PIK3CG: variants seen among roughly 807,000 people sequenced by gnomAD.
PIK3CG encodes the protein phosphatidylinositol-4,5-bisphosphate 3-kinase catalytic subunit gamma, also known as phosphatidylinositol 4,5-bisphosphate 3-kinase catalytic subunit gamma isoform.
A neutral mutation model predicts 102.3 loss-of-function variants in PIK3CG; 55 were observed. The ratio of observed to expected loss-of-function variants is 0.54; its 90% CI spans 0.43 to 0.67. The LOEUF is 0.67. PIK3CG is among the 30% of genes least tolerant of loss of function. The probability of loss-of-function intolerance (pLI) is 0.00; values close to 1 mark genes in which losing one functional copy is unlikely to be tolerated. For synonymous variants in PIK3CG, 552 were observed against 540.0 expected (o/e 1.02, Z -0.31); for missense variants, 1,258 against 1,391.8 (o/e 0.90, Z 1.53).
Position 106,908,964 on chromosome 7 carries a change from C to T in PIK3CG, c.*3577C>T, listed in dbSNP as rs1378523379. Among the ~76,000 whole-genome samples the T allele has an allele frequency of 1.3e-5, 2 of 152,064 alleles. No individual in the cohort carries two copies. Among genetic ancestry groups the T allele is most frequent in the African/African-American group, 4.8e-5 (2 of 41,386 alleles). ...ATAATTCTGATAAATAAATTTGGTT[C>T]TAGTTTGGTGCTTGTCTGCATAGTC... On this transcript the variant is annotated 3_prime_UTR_variant, in exon 11 of 11. Transcript: ENST00000496166. The surrounding 1 kb of genome is among the most constrained non-coding windows in gnomAD (Gnocchi z 4.1).
rs1381484125 is a variant in PIK3CG, at chr7:106,867,724, G to A, written c.163G>A (p.Glu55Lys). The A allele has an allele frequency of 6.8e-6, 11 of 1,613,146 alleles. No individual in the cohort carries two copies. The highest frequency in any genetic ancestry group is 9.3e-6 in the Non-Finnish European group (11 of 1,179,880). ...CAGCCAGCGCAAATGCAAGAGCCCC[G>A]AAACGGCGCTGCTGCACGTGGCCGG... ...PTSQRKCKSPETALLHVAGHG... is the reference protein window; with the variant it reads ...PTSQRKCKSPKTALLHVAGHG... The change falls in exon 2 of 11, where the codon GAA (glutamate) becomes AAA (lysine). Residue 55 changes from glutamate (E) to lysine (K), a missense_variant. Physicochemically the swap from Glu to Lys is moderately conservative, Grantham distance 56 (BLOSUM62 1). Around this residue, in one of 2 missense-constraint regions of PIK3CG, gnomAD observed 832 missense variants for 787.5 expected, o/e 1.06. Transcript: ENST00000496166. The surrounding 1 kb of genome is among the most constrained non-coding windows in gnomAD (Gnocchi z 5.1).
chr7:106,906,290 A>G lies in PIK3CG; in HGVS notation c.*903A>G, dbSNP rs956054707. ...CTATAACTCAAAAATTAGTTGAAAAATAATTACTTCTCAAGGATTATTAGA... is the reference window on the plus strand; with the variant it reads ...CTATAACTCAAAAATTAGTTGAAAAGTAATTACTTCTCAAGGATTATTAGA... On this transcript the variant is annotated 3_prime_UTR_variant, in exon 11 of 11. Coordinates refer to ENST00000496166, the MANE Select transcript of PIK3CG (RefSeq NM_001282426.2). 8.7e-6 allele frequency: 2 copies of G among 229,562 alleles called. No homozygotes were observed. The highest frequency in any genetic ancestry group is 1.7e-5 in the Non-Finnish European group (2 of 116,042). 14.2% of individuals were successfully genotyped at this position (229,562 alleles called of 1,614,324 possible).
At chr7:106,878,494 T>C (rs1790832498) in intron 5 of PIK3CG, among the ~76,000 whole-genome samples, 1 of 152,232 alleles carries the variant, frequency 6.6e-6, no homozygotes. Flanking sequence ...TGCTGGACTC[T>C]GGGCTCAGTC....
Position 106,890,002 on chromosome 7 carries a change from A to G in PIK3CG, c.3030+3710A>G, listed in dbSNP as rs1043513237. 2.0e-5 allele frequency among the ~76,000 whole-genome samples: 3 copies of G among 152,218 alleles called. No individual in the cohort carries two copies. The highest frequency in any genetic ancestry group is 7.2e-5 in the African/African-American group (3 of 41,462). ...AATTCTCCACAGAAAAATCTCCCTT[A>G]TGGGAGGAATAAAAAAGAAAAGTGT... On this transcript the variant is annotated intron_variant, in intron 10 of 10. Coordinates refer to ENST00000496166, the MANE Select transcript of PIK3CG (RefSeq NM_001282426.2). This position sits in a 1 kb window ranked among gnomAD's most constrained non-coding sequence, Gnocchi z 4.2.
Position 106,867,534 on chromosome 7 carries a change from G to C in PIK3CG, c.-12-16G>C, listed in dbSNP as rs2116414987. 1 of 1,523,504 alleles carries C rather than the reference G, an allele frequency of 6.6e-7. No homozygotes were observed. The highest frequency in any genetic ancestry group is 1.3e-5 in the South Asian group (1 of 76,792). 94.4% of individuals were successfully genotyped at this position (1,523,504 alleles called of 1,614,324 possible). ...TGCCTTTCTTGTGACAAATCCCTGT[G>C]TCCCTCCGCTCCCAGGTCGCATAGG... On this transcript the variant is annotated splice_polypyrimidine_tract_variant and intron_variant, in intron 1 of 10. Transcript: ENST00000496166. This position sits in a 1 kb window ranked among gnomAD's most constrained non-coding sequence, Gnocchi z 5.1.
chr7:106,875,642 C>A (rs1790701404), intron 5 of PIK3CG, among the ~76,000 whole-genome samples: 1 of 152,056 alleles, frequency 6.6e-6, no homozygotes. Context: ...TTTTAAGATT[C>A]ATTCATGTTA....
chr7:106,905,471 A>G lies in PIK3CG; in HGVS notation c.*84A>G, dbSNP rs972554348. Reference sequence around the variant, plus strand: ...TCATCGAACTTGGATTTCAAATGCAATAGACATTGTGAAAGCTGGCATTTC... The same window carrying G: ...TCATCGAACTTGGATTTCAAATGCAGTAGACATTGTGAAAGCTGGCATTTC... On this transcript the variant is annotated 3_prime_UTR_variant, in exon 11 of 11. Coordinates refer to ENST00000496166, the MANE Select transcript of PIK3CG (RefSeq NM_001282426.2). This position sits in a 1 kb window ranked among gnomAD's most constrained non-coding sequence, Gnocchi z 5.6. 6 of 1,271,718 alleles carry G rather than the reference A, an allele frequency of 4.7e-6. No individual in the cohort carries two copies. The highest frequency in any genetic ancestry group is 4.5e-5 in the African/African-American group (3 of 67,148). The allele number at this position is 1,271,718 out of a possible 1,614,324, so 78.8% of individuals were successfully genotyped here. A position where few individuals can be genotyped will look rare whatever the true frequency, so the allele number is the denominator to read the frequency against.
Position 106,886,321 on chromosome 7 carries a change from GA to G in PIK3CG, c.3030+31del, listed in dbSNP as rs547742395. 3,410 of 1,611,730 alleles carry G rather than the reference GA, an allele frequency of 2.1e-3. 4 individuals are homozygous for G. Among genetic ancestry groups the G allele is most frequent in the Non-Finnish European group, 2.6e-3 (3,119 of 1,178,324 alleles). On this transcript the variant is annotated intron_variant, in intron 10 of 10. Transcript: ENST00000496166. ...AGTCACCTCCTTCATCGCCTGCTGAGAATAGCACCGAAGCAGATGGTTCCTG... is the reference window on the plus strand; with the variant it reads ...AGTCACCTCCTTCATCGCCTGCTGAGATAGCACCGAAGCAGATGGTTCCTG...
At position 106,868,605 on chromosome 7, in the gene PIK3CG, T is replaced by C. The variant is rs1584317242; in HGVS notation, c.1044T>C (p.Ser348=). Reference sequence around the variant, plus strand: ...CCATCCACGGCAAGGACCACGAGAGTGTGTTCACCGTGTCCCTGTGGGACT... The same window carrying C: ...CCATCCACGGCAAGGACCACGAGAGCGTGTTCACCGTGTCCCTGTGGGACT... ...QLTIHGKDHE[S]VFTVSLWDCD... is the part of the protein sequence containing the mutation. The change falls in exon 2 of 11, where the codon AGT becomes AGC. Residue 348 remains serine (S), a synonymous_variant. Coordinates refer to ENST00000496166, the MANE Select transcript of PIK3CG (RefSeq NM_001282426.2). The surrounding 1 kb of genome is among the most constrained non-coding windows in gnomAD (Gnocchi z 6.2). 1.2e-6 allele frequency: 2 copies of C among 1,613,850 alleles called. No homozygotes were observed. Among genetic ancestry groups the C allele is most frequent in the South Asian group, 2.2e-5 (2 of 91,046 alleles).
intron 10 of PIK3CG, among the ~76,000 whole-genome samples, chr7:106,900,081 G>C (rs748739945): frequency 1.3e-5 from 2 of 152,036 alleles, no homozygotes; most frequent in Non-Finnish European, 2.9e-5. Flanking sequence ...GCTCAGTCTT[G>C]GGAGGGTGTA....
intron 7 of PIK3CG, chr7:106,882,419 A>T: frequency 2.9e-6 from 1 of 341,014 alleles, no homozygotes; most frequent in Non-Finnish European, 5.2e-6. Context: ...GTGACTATAC[A>T]TGGAAATGAT....
rs377318426 is a variant in PIK3CG, at chr7:106,905,363, A to G, written c.3285A>G (p.Lys1095=). 2.5e-5 allele frequency: 41 copies of G among 1,613,792 alleles called. No individual in the cohort carries two copies. The highest frequency in any genetic ancestry group is 3.5e-5 in the Non-Finnish European group (41 of 1,179,868). The change falls in exon 11 of 11, where the codon AAA becomes AAG. Residue 1095 remains lysine (K), a synonymous_variant. Coordinates refer to ENST00000496166, the MANE Select transcript of PIK3CG (RefSeq NM_001282426.2). This position sits in a 1 kb window ranked among gnomAD's most constrained non-coding sequence, Gnocchi z 5.6. ...NWFLHLVLGI[K]QGEKHSA is the part of the protein sequence containing the mutation. ...TTCTACATCTTGTTCTTGGCATCAA[A>G]CAAGGAGAGAAACATTCAGCCTAAT...
rs1249917847 is a variant in PIK3CG at position 106,902,836 on chromosome 7, G to A, written c.3031-2273G>A. Among the ~76,000 whole-genome samples, 1 of 152,030 alleles carries A rather than the reference G, an allele frequency of 6.6e-6. No individual in the cohort carries two copies. Among genetic ancestry groups the A allele is most frequent in the Admixed American group, 6.5e-5 (1 of 15,268 alleles). ...ATGTATAGCTTTTTTTCTCTCAAAA[G>A]TTTTAAGTTCCTGTAGTCTCACCAT... is the stretch of plus-strand genomic sequence containing the variant. On this transcript the variant is annotated intron_variant, in intron 10 of 10. Coordinates refer to ENST00000496166, the MANE Select transcript of PIK3CG (RefSeq NM_001282426.2). This position sits in a 1 kb window ranked among gnomAD's most constrained non-coding sequence, Gnocchi z 4.3.
At chr7:106,888,722 T>C (rs1791187754) in intron 10 of PIK3CG, among the ~76,000 whole-genome samples, 1 of 152,232 alleles carries the variant, frequency 6.6e-6, no homozygotes, top group Non-Finnish European at 1.5e-5. Flanking sequence ...AGCATACATG[T>C]TAAATGCCTG....
In PIK3CG at chr7:106,880,871, T is replaced by A. The variant is rs1034737283; in HGVS notation, c.2538+1206T>A. Among the ~76,000 whole-genome samples, 2 of 152,022 alleles carry A rather than the reference T, an allele frequency of 1.3e-5. No individual in the cohort carries two copies. Among genetic ancestry groups the A allele is most frequent in the African/African-American group, 4.8e-5 (2 of 41,400 alleles). The stretch of plus-strand genomic sequence containing the variant: ...TTATATTTTTTGTAGAGATGGGGTC[T>A]TGCCATGTTACCCACGCTGGCCTCA... On this transcript the variant is annotated intron_variant, in intron 6 of 10. Coordinates refer to ENST00000496166, the MANE Select transcript of PIK3CG (RefSeq NM_001282426.2). The surrounding 1 kb of genome is among the most constrained non-coding windows in gnomAD (Gnocchi z 4.2).
rs555427708 is a variant in PIK3CG at position 106,880,508 on chromosome 7, G to T, written c.2538+843G>T. ...TTTGTCCAGGAGGTATTTTAGAAAAGAAAAAGAGAAATCCTTCAAACTTTT... is the reference window on the plus strand; with the variant it reads ...TTTGTCCAGGAGGTATTTTAGAAAATAAAAAGAGAAATCCTTCAAACTTTT... On this transcript the variant is annotated intron_variant, in intron 6 of 10. Transcript: ENST00000496166. This position sits in a 1 kb window ranked among gnomAD's most constrained non-coding sequence, Gnocchi z 4.2. Among the ~76,000 whole-genome samples the T allele has an allele frequency of 6.6e-6, 1 of 152,164 alleles. No individual in the cohort carries two copies. Among genetic ancestry groups the T allele is most frequent in the African/African-American group, 2.4e-5 (1 of 41,548 alleles).
Position 106,886,197 on chromosome 7 carries a change from A to G in PIK3CG, c.2935A>G (p.Asn979Asp). 2 of 1,614,040 alleles carry G rather than the reference A, an allele frequency of 1.2e-6. No individual in the cohort carries two copies. Among genetic ancestry groups the G allele is most frequent in the Non-Finnish European group, 1.7e-6 (2 of 1,179,880 alleles). ...GAATTACAAAAGTTTCCTGGGCATT[A>G]ATAAAGAGAGAGTGCCATTTGTGCT... The part of the protein sequence containing the change: ...LGNYKSFLGI[N>D]KERVPFVLTP... The change falls in exon 10 of 11, where the codon AAT (asparagine) becomes GAT (aspartate). Residue 979 changes from asparagine (N) to aspartate (D), a missense_variant. Physicochemically the swap from Asn to Asp is conservative, Grantham distance 23 (BLOSUM62 1). Coordinates refer to ENST00000496166, the MANE Select transcript of PIK3CG (RefSeq NM_001282426.2).
In PIK3CG at chr7:106,879,389, T is replaced by C. The variant is rs1790866248; in HGVS notation, c.2392-130T>C. 2 of 802,376 alleles carry C rather than the reference T, an allele frequency of 2.5e-6. No individual in the cohort carries two copies. The highest frequency in any genetic ancestry group is 2.5e-5 in the East Asian group (1 of 39,584). The allele number at this position is 802,376 out of a possible 1,614,324, so 49.7% of individuals were successfully genotyped here. ...CAACTTCTGTATTTTTACCCAAATA[T>C]TGAAAATCATTCTCCAACTAGGACT... On this transcript the variant is annotated intron_variant, in intron 5 of 10. Transcript: ENST00000496166. The surrounding 1 kb of genome is among the most constrained non-coding windows in gnomAD (Gnocchi z 4.9).
At position 106,883,128 on chromosome 7, in the gene PIK3CG, C is replaced by T. The variant is rs1445560689; in HGVS notation, c.2725C>T (p.His909Tyr). 1 of 1,614,088 alleles carries T rather than the reference C, an allele frequency of 6.2e-7. No individual in the cohort carries two copies. Among genetic ancestry groups the T allele is most frequent in the South Asian group, 1.1e-5 (1 of 91,088 alleles). Reference protein sequence around the residue: ...TGAFKDEVLNHWLKEKSPTEE... With the variant: ...TGAFKDEVLNYWLKEKSPTEE... ...AGCATTTAAAGATGAAGTCCTGAATCACTGGCTCAAAGAAAAATCCCCTAC... is the reference window on the plus strand; with the variant it reads ...AGCATTTAAAGATGAAGTCCTGAATTACTGGCTCAAAGAAAAATCCCCTAC... The change falls in exon 8 of 11, where the codon CAC becomes TAC. Residue 909 changes from histidine to tyrosine, a missense_variant. By Grantham distance (83) the His-to-Tyr change is moderately conservative (BLOSUM62 2). Transcript: ENST00000496166. The surrounding 1 kb of genome is among the most constrained non-coding windows in gnomAD (Gnocchi z 5.8).
Sources: gnomAD v4.1 joint callset for allele counts (sites outside exome capture counted in the v4.1 genomes callset) on GRCh38, gnomAD v4.1.1 for gene constraint, gnomAD v4.1.1 regional missense constraint, Gnocchi (gnomAD v3.1) non-coding constraint, MANE v1.5 for transcripts, NCBI Gene and HGNC (gene_info 2026-07-23, HGNC 2026-07-21) for gene names.